The following ATRNL1 variants were observed in gnomAD, a reference collection of about 807,000 sequenced individuals.
ATRNL1 encodes the protein attractin like 1, also known as attractin-like protein 1.
A neutral mutation model predicts 182.7 loss-of-function variants in ATRNL1; 95 were observed. The ratio of observed to expected loss-of-function variants is 0.52; its 90% CI spans 0.44 to 0.62. ATRNL1 has a LOEUF of 0.62. Ranked by LOEUF, ATRNL1 falls within the 20% of genes least tolerant of loss-of-function variation. ATRNL1 has a pLI of 0.00. For synonymous variants in ATRNL1, 576 were observed against 568.3 expected (o/e 1.01, Z -0.19); for missense variants, 1,471 against 1,679.5 (o/e 0.88, Z 2.17).
At chr10:115,504,468 A>T (rs1850007101) in intron 24 of ATRNL1, among the ~76,000 whole-genome samples, 1 of 152,044 alleles carries the variant, frequency 6.6e-6, no homozygotes, top group Non-Finnish European at 1.5e-5. Flanking sequence ...TAAATTTAAG[A>T]TGTATCTATT....
chr10:115,872,199 AT>A (rs1555106296), intron 28 of ATRNL1, among the ~76,000 whole-genome samples: 1 of 152,220 alleles, frequency 6.6e-6, no homozygotes, highest in African/African-American at 2.4e-5. Flanking sequence ...CACTACAAGA[AT>A]ACATTTGCTT....
At chr10:115,725,518 C>G (rs558636052) in intron 26 of ATRNL1, among the ~76,000 whole-genome samples, 19 of 152,088 alleles carry the variant, frequency 1.2e-4, no homozygotes, top group Non-Finnish European at 2.6e-4. Flanking sequence ...ATATGAGATG[C>G]CGTTTATATG....
intron 27 of ATRNL1, among the ~76,000 whole-genome samples, chr10:115,763,896 G>A (rs1459471708): frequency 7.9e-5 from 12 of 152,196 alleles, no homozygotes; most frequent in Non-Finnish European, 4.4e-5. Flanking sequence ...TAACATTCAC[G>A]TTAAAAGTTT....
At chr10:115,245,311 CAACATGGAGA>C (rs1164846073) in intron 10 of ATRNL1, among the ~76,000 whole-genome samples, 1 of 151,652 alleles carries the variant, frequency 6.6e-6, no homozygotes, top group Non-Finnish European at 1.5e-5. Context: ...CCAGCCTGAC[CAACATGGAGA>C]AACCCCGTCT....
intron 27 of ATRNL1, among the ~76,000 whole-genome samples, chr10:115,738,887 G>A (rs1264271360): frequency 6.6e-6 from 1 of 151,948 alleles, no homozygotes; most frequent in African/African-American, 2.4e-5. Context: ...AATGCCCTAG[G>A]TTAACTGTCC....
intron 26 of ATRNL1, among the ~76,000 whole-genome samples, chr10:115,613,797 G>T (rs1194382379): frequency 1.3e-5 from 2 of 151,830 alleles, no homozygotes; most frequent in East Asian, 3.9e-4. Context: ...AGGTTTTCTA[G>T]TTGGCATGTA....
chr10:115,538,354 G>A (rs782406120), intron 25 of ATRNL1, among the ~76,000 whole-genome samples: 1 of 152,178 alleles, frequency 6.6e-6, no homozygotes, highest in Non-Finnish European at 1.5e-5. Flanking sequence ...TCTCACCAGT[G>A]CTTGGTCCTG....
At chr10:115,334,877 C>G (rs952649467) in intron 19 of ATRNL1, among the ~76,000 whole-genome samples, 1 of 152,074 alleles carries the variant, frequency 6.6e-6, no homozygotes, top group Non-Finnish European at 1.5e-5. Flanking sequence ...CAAATCTGGG[C>G]TGAAATCCCA....
At chr10:115,555,255 GGA>G (rs1853244942) in intron 26 of ATRNL1, among the ~76,000 whole-genome samples, 1 of 151,598 alleles carries the variant, frequency 6.6e-6, no homozygotes, top group African/African-American at 2.4e-5. Flanking sequence ...AAAATAAGGG[GGA>G]GTTATACTGG....
intron 21 of ATRNL1, among the ~76,000 whole-genome samples, chr10:115,431,437 T>C (rs1250974058): frequency 2.0e-5 from 3 of 150,840 alleles, no homozygotes; most frequent in Non-Finnish European, 4.4e-5. Flanking sequence ...AAAGATATAA[T>C]ATTCCAATTT....
chr10:115,136,306 G>A (rs1482629898), intron 5 of ATRNL1, among the ~76,000 whole-genome samples: 2 of 152,120 alleles, frequency 1.3e-5, no homozygotes, highest in Non-Finnish European at 2.9e-5. Context: ...CATAGTTTGA[G>A]GTTCACAGGA....
chr10:115,710,967 A>G (rs1427713051), intron 26 of ATRNL1, among the ~76,000 whole-genome samples: 2 of 152,082 alleles, frequency 1.3e-5, no homozygotes, highest in African/African-American at 4.8e-5. Context: ...TAACTTTGTA[A>G]TGGCATTTAT....
At chr10:115,772,597 C>CTGTGTGTGTGTGTGTG (rs57939999) in intron 27 of ATRNL1, among the ~76,000 whole-genome samples, 104 of 140,386 alleles carry the variant, frequency 7.4e-4, no homozygotes, top group South Asian at 2.6e-3. Context: ...TATACTCTGT[C>CTGTGTGTGTGTGTGTG]TGTGTGTGTG....
chr10:115,206,477 A>G (rs1194212053), intron 8 of ATRNL1, among the ~76,000 whole-genome samples: 1 of 152,136 alleles, frequency 6.6e-6, no homozygotes, highest in Non-Finnish European at 1.5e-5. Flanking sequence ...GAACCTTAAA[A>G]TAGTATACCT....
intron 25 of ATRNL1, among the ~76,000 whole-genome samples, chr10:115,536,507 C>T (rs60164270): frequency 0.015 from 2,334 of 152,300 alleles, 54 homozygotes; most frequent in African/African-American, 0.053. Context: ...TTCCAGGTGC[C>T]GTCTGTCACC....
chr10:115,352,425 G>A (rs1207345043), intron 19 of ATRNL1, among the ~76,000 whole-genome samples: 3 of 151,926 alleles, frequency 2.0e-5, no homozygotes, highest in African/African-American at 7.2e-5. Flanking sequence ...TTTTGATGTA[G>A]GCAACATTGT....
At chr10:115,622,926 C>T (rs1378274978) in intron 26 of ATRNL1, among the ~76,000 whole-genome samples, 1 of 148,354 alleles carries the variant, frequency 6.7e-6, no homozygotes, top group Non-Finnish European at 1.5e-5. Context: ...GACTGTGTCT[C>T]GAAAAAAAAA....
At chr10:115,353,148 G>T (rs1564944442) in intron 19 of ATRNL1, among the ~76,000 whole-genome samples, 1 of 152,176 alleles carries the variant, frequency 6.6e-6, no homozygotes, top group African/African-American at 2.4e-5. Flanking sequence ...TATATGTTCA[G>T]TGTTGAAAGT....
chr10:115,793,449 A>G (rs1445948434), intron 27 of ATRNL1, among the ~76,000 whole-genome samples: 1 of 152,140 alleles, frequency 6.6e-6, no homozygotes, highest in Non-Finnish European at 1.5e-5. Context: ...ATATATTCAT[A>G]TAATAGTAGC....
Sources: allele counts gnomAD v4.1 joint callset (sites outside exome capture counted in the v4.1 genomes callset), GRCh38; gene constraint gnomAD v4.1.1; transcripts MANE v1.5; gene names NCBI Gene and HGNC (gene_info 2026-07-23, HGNC 2026-07-21).